The following AFG1L variants were observed in gnomAD, a reference collection of about 807,000 sequenced individuals.
AFG1L encodes AFG1 like ATPase.
In AFG1L, 53 loss-of-function variants were observed where a neutral mutation model predicts 62.2. The observed-to-expected ratio is 0.85, with a 90% confidence interval of 0.68 to 1.07. The LOEUF (loss-of-function observed/expected upper bound fraction) is 1.07, where lower values mean the gene tolerates loss of function less well. Ranked by LOEUF, AFG1L falls within the 50% of genes least tolerant of loss-of-function variation. The pLI is 0.00. For synonymous variants in AFG1L, 228 were observed against 210.3 expected (o/e 1.08, Z -0.73); for missense variants, 555 against 590.5 (o/e 0.94, Z 0.62).
rs539232525 is a variant in AFG1L, at chr6:108,422,477, C to CAAAAAAAAAAA, written c.807+20435_807+20445dup. 8.8e-3 allele frequency among the ~76,000 whole-genome samples: 401 copies of CAAAAAAAAAAA among 45,678 alleles called. 7 individuals carry two copies. Among genetic ancestry groups the CAAAAAAAAAAA allele is most frequent in the Middle Eastern group, 0.024 (1 of 42 alleles). The allele number at this position is 45,678 out of a possible 152,430, so 30.0% of individuals were successfully genotyped here. A position where few individuals can be genotyped will look rare whatever the true frequency, so the allele number is the denominator to read the frequency against. On this transcript the variant is annotated intron_variant, in intron 7 of 12. Transcript: ENST00000368977. ...ATATTTTTTTAAAATTAGTCCTCAGCAAAAAAAAAAAAAAAAAAAAAAGAA... is the reference window on the plus strand; with the variant it reads ...ATATTTTTTTAAAATTAGTCCTCAGCAAAAAAAAAAAAAAAAAAAAAAAAAAAAAAAAAGAA...
intron 8 of AFG1L, among the ~76,000 whole-genome samples, chr6:108,451,664 T>C (rs2114760780): frequency 6.6e-6 from 1 of 152,296 alleles, no homozygotes. Context: ...TATTCTGTAC[T>C]AAATGCATGA....
At chr6:108,386,252 A>G (rs1222148563) in intron 6 of AFG1L, among the ~76,000 whole-genome samples, 2 of 152,162 alleles carry the variant, frequency 1.3e-5, no homozygotes, top group East Asian at 3.9e-4. Context: ...ACCTGAGGTC[A>G]GAAGTTTGAG....
intron 1 of AFG1L, among the ~76,000 whole-genome samples, chr6:108,298,890 T>C (rs1266481922): frequency 6.6e-6 from 1 of 152,094 alleles, no homozygotes; most frequent in East Asian, 1.9e-4. Flanking sequence ...GGGAGTGGTT[T>C]AGGGGCTGAA....
At position 108,376,902 on chromosome 6, in the gene AFG1L, A is replaced by G. The variant is rs188939953; in HGVS notation, c.748+10570A>G. 2.5e-3 allele frequency among the ~76,000 whole-genome samples: 375 copies of G among 152,212 alleles called. 4 individuals carry two copies. Among genetic ancestry groups the G allele is most frequent in the African/African-American group, 8.7e-3 (362 of 41,524 alleles). ...TTGTAAGTTTATAGGTACTTGTTTT[A>G]TGAATCTGGATGCTCCGATGTTGGA... On this transcript the variant is annotated intron_variant, in intron 6 of 12. Transcript: ENST00000368977.
intron 7 of AFG1L, among the ~76,000 whole-genome samples, chr6:108,416,185 T>C (rs1770262528): frequency 6.6e-6 from 1 of 152,208 alleles, no homozygotes; most frequent in Non-Finnish European, 1.5e-5. Context: ...TCATCATCAT[T>C]GGCCACGAGA....
At chr6:108,337,151 A>G (rs1778504885) in intron 2 of AFG1L, among the ~76,000 whole-genome samples, 1 of 152,186 alleles carries the variant, frequency 6.6e-6, no homozygotes, top group Non-Finnish European at 1.5e-5. Flanking sequence ...AAGATATGAC[A>G]TTTTTGAAAG....
intron 2 of AFG1L, among the ~76,000 whole-genome samples, chr6:108,329,373 A>G (rs935229362): frequency 2.0e-5 from 3 of 152,040 alleles, no homozygotes; most frequent in Admixed American, 6.6e-5. Flanking sequence ...ATCTTGGCTC[A>G]CTGCAACCTC....
intron 7 of AFG1L, among the ~76,000 whole-genome samples, chr6:108,417,298 C>A (rs919068936): frequency 3.2e-4 from 45 of 139,674 alleles, no homozygotes; most frequent in East Asian, 1.0e-3. Flanking sequence ...AAAAAAAAAA[C>A]GGGGAAAAAA....
At chr6:108,477,458 A>G (rs1773157381) in intron 10 of AFG1L, among the ~76,000 whole-genome samples, 166 bp downstream of exon 10, 1 of 152,220 alleles carries the variant, frequency 6.6e-6, no homozygotes. Context: ...TGTGCTTTTT[A>G]TAGATATTGG....
At chr6:108,447,378 A>C (rs1771857616) in intron 8 of AFG1L, 82 bp downstream of exon 8, 1 of 793,982 alleles carries the variant, frequency 1.3e-6, no homozygotes, top group Non-Finnish European at 2.1e-6. Context: ...TAATTATTGG[A>C]ACGTGAAAGG....
At chr6:108,455,016 T>C (rs1772198664) in intron 8 of AFG1L, among the ~76,000 whole-genome samples, 1 of 152,206 alleles carries the variant, frequency 6.6e-6, no homozygotes, top group South Asian at 2.1e-4. Flanking sequence ...TTTCTTGAGG[T>C]TCTGACTGTT....
intron 1 of AFG1L, among the ~76,000 whole-genome samples, chr6:108,301,897 G>C (rs1461534498): frequency 1.3e-5 from 2 of 151,660 alleles, no homozygotes; most frequent in African/African-American, 4.8e-5. Flanking sequence ...AGAATAAGCA[G>C]AGCCAGTCTA....
At chr6:108,514,625 A>G (rs1394123387) in intron 11 of AFG1L, among the ~76,000 whole-genome samples, 1 of 152,254 alleles carries the variant, frequency 6.6e-6, no homozygotes, top group East Asian at 1.9e-4. Flanking sequence ...TCATAATGAC[A>G]GGATCAAATT....
chr6:108,400,722 A>G (rs1455670044), intron 6 of AFG1L, among the ~76,000 whole-genome samples: 5 of 124,440 alleles, frequency 4.0e-5, no homozygotes, highest in Non-Finnish European at 8.0e-5. Context: ...TTTAATATAT[A>G]TTATATATAA....
chr6:108,458,371 G>C (rs1772329261), intron 8 of AFG1L, among the ~76,000 whole-genome samples: 1 of 151,796 alleles, frequency 6.6e-6, no homozygotes, highest in Non-Finnish European at 1.5e-5. Context: ...TTTCATTTTG[G>C]GTAGTTTCTT....
intron 8 of AFG1L, among the ~76,000 whole-genome samples, chr6:108,462,616 C>T (rs2114782358): frequency 6.6e-6 from 1 of 152,292 alleles, no homozygotes; most frequent in African/African-American, 2.4e-5. Flanking sequence ...TTCCACCAGT[C>T]AGTTTAGTAT....
intron 11 of AFG1L, among the ~76,000 whole-genome samples, chr6:108,514,522 G>A (rs954316929): frequency 6.6e-6 from 1 of 152,028 alleles, no homozygotes; most frequent in Admixed American, 6.6e-5. Context: ...AGGAACAACC[G>A]GTACCAGCCA....
intron 1 of AFG1L, among the ~76,000 whole-genome samples, chr6:108,316,253 C>T (rs1358617167): frequency 3.4e-5 from 5 of 146,850 alleles, no homozygotes; most frequent in Admixed American, 2.7e-4. Context: ...TAGTGGCGGG[C>T]GCCTGTAGTC....
intron 10 of AFG1L, among the ~76,000 whole-genome samples, chr6:108,496,501 A>G (rs1051180539): frequency 2.0e-5 from 3 of 152,228 alleles, no homozygotes; most frequent in Admixed American, 2.0e-4. Context: ...ATGGCATTGT[A>G]GCTCCTCAAG....
Sources: allele counts gnomAD v4.1 joint callset (sites outside exome capture counted in the v4.1 genomes callset), GRCh38; gene constraint gnomAD v4.1.1; transcripts MANE v1.5; gene names NCBI Gene and HGNC (gene_info 2026-07-23, HGNC 2026-07-21).